The following SAMD13 variants were observed in gnomAD, a reference collection of about 807,000 sequenced individuals.
SAMD13 encodes sterile alpha motif domain-containing protein 13.
Under a neutral mutation model 12.4 loss-of-function variants are expected in SAMD13, and 9 were observed. That is an observed-to-expected ratio of 0.72 (90% CI 0.44 to 1.26). The LOEUF is 1.26. Among genes scored for constraint, SAMD13 ranks in the 50% most tolerant of loss-of-function variants. SAMD13 has a pLI of 0.00. For synonymous variants in SAMD13, 46 were observed against 45.4 expected (o/e 1.01, Z -0.05); for missense variants, 84 against 119.6 (o/e 0.70, Z 1.39).
chr1:84,345,136 T>C (rs1481105135), intron 3 of SAMD13: 2 of 456,472 alleles, frequency 4.4e-6, no homozygotes, highest in Admixed American at 4.7e-5. Flanking sequence ...AGCAGCAGAC[T>C]GAGAAACTTC....
At chr1:84,345,071 A>G in intron 3 of SAMD13, 1 of 456,620 alleles carries the variant, frequency 2.2e-6, no homozygotes, top group South Asian at 1.5e-5. Context: ...CCACTTTTTT[A>G]TCTCTGGGCT....
At chr1:84,315,603 T>A (rs1307830273) in intron 2 of SAMD13, among the ~76,000 whole-genome samples, 2 of 152,166 alleles carry the variant, frequency 1.3e-5, no homozygotes, top group African/African-American at 4.8e-5. Context: ...TACATTTTAT[T>A]TTTAAAATTC....
At chr1:84,330,388 T>C (rs569532500) in intron 3 of SAMD13, among the ~76,000 whole-genome samples, 126 of 152,338 alleles carry the variant, frequency 8.3e-4, no homozygotes, top group African/African-American at 3.0e-3. Context: ...CACTTGTCCA[T>C]GGGTATGGCC....
At chr1:84,337,790 T>C (rs1036152985) in intron 3 of SAMD13, among the ~76,000 whole-genome samples, 2 of 152,186 alleles carry the variant, frequency 1.3e-5, no homozygotes, top group African/African-American at 4.8e-5. Flanking sequence ...TCTGAACTTT[T>C]TTGCTCTGTT....
At chr1:84,328,515 T>C (rs1021540333) in intron 3 of SAMD13, among the ~76,000 whole-genome samples, 12 of 152,072 alleles carry the variant, frequency 7.9e-5, no homozygotes, top group Admixed American at 7.2e-4. Flanking sequence ...AAATATCGTT[T>C]CTCCTTTTCC....
At chr1:84,331,002 T>A (rs936110518) in intron 3 of SAMD13, among the ~76,000 whole-genome samples, 56 of 152,286 alleles carry the variant, frequency 3.7e-4, no homozygotes, top group Admixed American at 9.8e-4. Context: ...CCCAACTGGT[T>A]GCTTAAGTCA....
chr1:84,340,258 A>G (rs1679394194), intron 3 of SAMD13, among the ~76,000 whole-genome samples: 1 of 152,266 alleles, frequency 6.6e-6, no homozygotes, highest in South Asian at 2.1e-4. Context: ...ATAAAAAGGA[A>G]TGAAGTTCTG....
At chr1:84,346,514 A>G (rs1679538426) in intron 3 of SAMD13, among the ~76,000 whole-genome samples, 1 of 152,180 alleles carries the variant, frequency 6.6e-6, no homozygotes, top group African/African-American at 2.4e-5. Flanking sequence ...CTTCATCATG[A>G]TGTACATGCA....
intron 2 of SAMD13, among the ~76,000 whole-genome samples, chr1:84,310,109 G>GT (rs1440032718): frequency 6.6e-6 from 1 of 152,036 alleles, no homozygotes; most frequent in Non-Finnish European, 1.5e-5. Context: ...CAGTTTTCTA[G>GT]TGGTCATATT....
chr1:84,339,631 G>A (rs1024568926), intron 3 of SAMD13, among the ~76,000 whole-genome samples: 6 of 152,148 alleles, frequency 3.9e-5, no homozygotes, highest in Non-Finnish European at 8.8e-5. Context: ...TTTCACTGGG[G>A]CAGTGGCAAC....
upstream of SAMD13, among the ~76,000 whole-genome samples, chr1:84,300,875 G>A (rs80164955): frequency 0.026 from 3,951 of 152,240 alleles, 161 homozygotes; most frequent in African/African-American, 0.089. Context: ...TGGGCATAAT[G>A]TCTTTCTATT....
intron 2 of SAMD13, among the ~76,000 whole-genome samples, chr1:84,314,142 T>A (rs568380091): frequency 6.6e-6 from 1 of 152,150 alleles, no homozygotes; most frequent in Non-Finnish European, 1.5e-5. Flanking sequence ...TAAAACATTG[T>A]AGAAAAGAGA....
At chr1:84,316,799 TG>T (rs1471708554) in intron 2 of SAMD13, among the ~76,000 whole-genome samples, 1 of 152,128 alleles carries the variant, frequency 6.6e-6, no homozygotes, top group Non-Finnish European at 1.5e-5. Context: ...TGGATTGCTT[TG>T]GGTCATATGG....
At chr1:84,303,092 C>G (rs974942022) in intron 1 of SAMD13, 111 bp from the exon 2 acceptor site, 5 of 746,144 alleles carry the variant, frequency 6.7e-6, no homozygotes, top group Non-Finnish European at 1.1e-5. Flanking sequence ...AACAAACATA[C>G]GTGAACTGGT....
intron 2 of SAMD13, 64 bp from the exon 3 acceptor site, chr1:84,325,573 G>A: frequency 1.0e-6 from 1 of 974,710 alleles, no homozygotes; most frequent in South Asian, 1.3e-5. Flanking sequence ...AGACCCATTT[G>A]TGAGCCTGGC....
intron 2 of SAMD13, chr1:84,304,220 G>A (rs1168004326): frequency 6.6e-6 from 1 of 152,068 alleles, no homozygotes; most frequent in East Asian, 1.9e-4. Flanking sequence ...TAAAGTTCTC[G>A]GGTAATTTAT....
At chr1:84,346,654 G>A (rs1387290105) in intron 3 of SAMD13, among the ~76,000 whole-genome samples, 1 of 152,192 alleles carries the variant, frequency 6.6e-6, no homozygotes, top group African/African-American at 2.4e-5. Flanking sequence ...GCAAGAACCT[G>A]TCTTCCAGTT....
At chr1:84,330,317 C>T (rs1278878137) in intron 3 of SAMD13, among the ~76,000 whole-genome samples, 2 of 152,170 alleles carry the variant, frequency 1.3e-5, no homozygotes, top group Admixed American at 6.5e-5. Flanking sequence ...GTGCACAACA[C>T]GGCACAAAAC....
intron 2 of SAMD13, among the ~76,000 whole-genome samples, chr1:84,321,489 A>G (rs1324655231): frequency 6.6e-6 from 1 of 152,196 alleles, no homozygotes; most frequent in Non-Finnish European, 1.5e-5. Flanking sequence ...TGAAAGGGGC[A>G]CTTTTGTATT....
Sources: gnomAD v4.1 joint callset for allele counts (sites outside exome capture counted in the v4.1 genomes callset) on GRCh38, gnomAD v4.1.1 for gene constraint, MANE v1.5 for transcripts, NCBI Gene and HGNC (gene_info 2026-07-23, HGNC 2026-07-21) for gene names.